The following FOXP1 variants were observed in gnomAD, a reference collection of about 807,000 sequenced individuals.
FOXP1 encodes forkhead box P1.
FOXP1 carries 15 observed loss-of-function variants against 98.2 expected under a neutral mutation model. The ratio of observed to expected loss-of-function variants is 0.15; its 90% CI spans 0.10 to 0.24. The LOEUF (loss-of-function observed/expected upper bound fraction) is 0.24. Ranked by LOEUF, FOXP1 falls within the 10% of genes least tolerant of loss-of-function variation. FOXP1 has a pLI of 1.00. For missense variants in FOXP1, 633 were observed against 848.5 expected, an observed-to-expected ratio of 0.75 and a Z score of 3.15; for synonymous variants, 371 against 314.5, an observed-to-expected ratio of 1.18 and a Z score of -1.90.
intron 2 of FOXP1, chr3:71,571,956 G>C (rs558776898): frequency 3.9e-5 from 6 of 152,210 alleles, no homozygotes; most frequent in African/African-American, 1.4e-4. Context: ...TTTCATCTAA[G>C]TATATCTTTA....
chr3:71,287,392 A>C (rs2072264467), intron 5 of FOXP1, among the ~76,000 whole-genome samples: 1 of 152,132 alleles, frequency 6.6e-6, no homozygotes, highest in Non-Finnish European at 1.5e-5. Flanking sequence ...GGATCACCTG[A>C]GCCTGGGAGG....
intron 2 of FOXP1, among the ~76,000 whole-genome samples, chr3:71,546,241 C>A (rs2045349437): frequency 6.6e-6 from 1 of 152,160 alleles, no homozygotes; most frequent in South Asian, 2.1e-4. Context: ...CCACAAGAGG[C>A]AGGAATTCCC....
At chr3:71,526,231 T>C (rs138627184) in intron 2 of FOXP1, among the ~76,000 whole-genome samples, 4 of 152,302 alleles carry the variant, frequency 2.6e-5, no homozygotes, top group East Asian at 1.9e-4. Flanking sequence ...CACTGATACA[T>C]GATGAGCTAA....
chr3:71,451,991 C>G (rs2087000802), intron 3 of FOXP1, among the ~76,000 whole-genome samples: 1 of 152,146 alleles, frequency 6.6e-6, no homozygotes, highest in Admixed American at 6.5e-5. Flanking sequence ...GAAAAAGAAA[C>G]CTGCCTCTCT....
At chr3:71,046,597 A>C (rs2049063056) in intron 10 of FOXP1, among the ~76,000 whole-genome samples, 2 of 152,222 alleles carry the variant, frequency 1.3e-5, no homozygotes, top group Non-Finnish European at 2.9e-5. Context: ...GAATAATAAA[A>C]GCCCTCAGGA....
intron 2 of FOXP1, among the ~76,000 whole-genome samples, chr3:71,515,314 C>T (rs1202746148): frequency 6.6e-6 from 1 of 151,210 alleles, no homozygotes; most frequent in African/African-American, 2.4e-5. Context: ...GAATCTTAAG[C>T]TCACATTTCC....
At chr3:71,395,801 T>C (rs996463384) in intron 3 of FOXP1, among the ~76,000 whole-genome samples, 3 of 151,942 alleles carry the variant, frequency 2.0e-5, no homozygotes, top group Admixed American at 6.6e-5. Context: ...TCTCCAATAA[T>C]GTATTCTCCT....
At chr3:71,233,061 T>C (rs929352630) in intron 5 of FOXP1, among the ~76,000 whole-genome samples, 1 of 151,172 alleles carries the variant, frequency 6.6e-6, no homozygotes, top group African/African-American at 2.4e-5. Context: ...AGGAGGATCG[T>C]TTGAACCCAG....
At chr3:71,106,571 G>A (rs1052007678) in intron 7 of FOXP1, among the ~76,000 whole-genome samples, 1 of 151,560 alleles carries the variant, frequency 6.6e-6, no homozygotes, top group Admixed American at 6.6e-5. Flanking sequence ...TGATCCGCTC[G>A]CCTTGGCTTC....
rs573136445 is a variant in FOXP1 at position 71,032,783 on chromosome 3, C to A, written c.869+8545G>T. On this transcript the variant is annotated intron_variant, in intron 11 of 20. Coordinates refer to ENST00000649528, the MANE Select transcript of FOXP1 (RefSeq NM_001349338.3). The stretch of plus-strand genomic sequence containing the variant: ...GCTTAAGTCTCCAGCATAGGTCCCC[C>A]CTTCATCTGGCTCCAGTATTGGCTT... Among the ~76,000 whole-genome samples the A allele has an allele frequency of 3.9e-5, 6 of 152,168 alleles. No individual in the cohort carries two copies. In the East Asian group the frequency reaches 9.6e-4, roughly 24 times the overall value.
chr3:71,564,411 G>A (rs1263606616), intron 2 of FOXP1, among the ~76,000 whole-genome samples: 6 of 152,170 alleles, frequency 3.9e-5, no homozygotes, highest in East Asian at 1.9e-4. Context: ...TTAATCCACC[G>A]AACAAATTGA....
intron 6 of FOXP1, among the ~76,000 whole-genome samples, chr3:71,128,518 G>T (rs1218713772): frequency 1.3e-5 from 2 of 152,112 alleles, no homozygotes; most frequent in Admixed American, 6.5e-5. Context: ...TCTTTAAAGA[G>T]AGGGGCAAAA....
intron 2 of FOXP1, 191 bp downstream of exon 2, chr3:71,581,358 A>G: frequency 1.0e-6 from 1 of 985,394 alleles, no homozygotes; most frequent in Non-Finnish European, 1.2e-6. Context: ...AAGAGGGGAA[A>G]AGGGTGGAGG....
intron 2 of FOXP1, among the ~76,000 whole-genome samples, chr3:71,579,011 TA>T (rs2047939996): frequency 6.6e-6 from 1 of 152,224 alleles, no homozygotes; most frequent in Non-Finnish European, 1.5e-5. Flanking sequence ...GTATATCTAG[TA>T]AAAACTACAG....
intron 5 of FOXP1, among the ~76,000 whole-genome samples, chr3:71,233,314 G>T (rs1006506881): frequency 4.6e-5 from 7 of 152,048 alleles, no homozygotes; most frequent in Non-Finnish European, 8.8e-5. Context: ...ATCAAGAAAG[G>T]TCTATGGTCC....
chr3:71,369,352 T>A (rs2079133592), intron 3 of FOXP1, among the ~76,000 whole-genome samples: 1 of 151,890 alleles, frequency 6.6e-6, no homozygotes, highest in African/African-American at 2.4e-5. Flanking sequence ...ATCACTCCAC[T>A]GCACTCCAGC....
intron 6 of FOXP1, among the ~76,000 whole-genome samples, chr3:71,194,613 T>C (rs2063192385): frequency 6.6e-6 from 1 of 151,686 alleles, no homozygotes; most frequent in Non-Finnish European, 1.5e-5. Context: ...ACTTTAGTAA[T>C]TGCTAATAGT....
intron 2 of FOXP1, among the ~76,000 whole-genome samples, chr3:71,566,058 G>C (rs1578203769): frequency 6.6e-6 from 1 of 152,142 alleles, no homozygotes; most frequent in African/African-American, 2.4e-5. Context: ...TCTCCCAAAA[G>C]CGCACAGGTA....
At chr3:71,472,075 G>A (rs575010896) in intron 3 of FOXP1, among the ~76,000 whole-genome samples, 10 of 152,254 alleles carry the variant, frequency 6.6e-5, no homozygotes, top group African/African-American at 2.4e-4. Context: ...TAGAAGGTAC[G>A]TTTTATAGTT....
Sources: allele counts gnomAD v4.1 joint callset (sites outside exome capture counted in the v4.1 genomes callset), GRCh38; gene constraint gnomAD v4.1.1; transcripts MANE v1.5; gene names NCBI Gene and HGNC (gene_info 2026-07-23, HGNC 2026-07-21).